ENOX1: variants seen among roughly 807,000 people sequenced by gnomAD.
ENOX1 encodes candidate growth-related and time keeping constitutive hydroquinone (NADH) oxidase.
A neutral mutation model predicts 82.5 loss-of-function variants in ENOX1; 42 were observed. The observed-to-expected ratio is 0.51, with a 90% CI of 0.40 to 0.66. The LOEUF is 0.66. Ranked by LOEUF, ENOX1 falls within the 30% of genes least tolerant of loss-of-function variation. The pLI is 0.00. For synonymous variants in ENOX1, 271 were observed against 282.2 expected, an observed-to-expected ratio of 0.96 and a Z score of 0.40; for missense variants, 608 against 811.6, an observed-to-expected ratio of 0.75 and a Z score of 3.05.
chr13:43,768,644 T>C (rs1951420866), intron 1 of ENOX1, among the ~76,000 whole-genome samples: 1 of 152,156 alleles, frequency 6.6e-6, no homozygotes, highest in Admixed American at 6.5e-5. Flanking sequence ...AAATATTTAA[T>C]TTGACAATAA....
Position 43,419,731 on chromosome 13 carries a change from G to A in ENOX1, c.-74-6743C>T, listed in dbSNP as rs542824182. On this transcript the variant is annotated intron_variant, in intron 3 of 16. Coordinates refer to ENST00000690772, the MANE Select transcript of ENOX1 (RefSeq NM_001347969.2). ...TCATGCCTGTAATGCCAGCACTTTGGGAGGCCGAGGTGGGTGGATCACTTG... is the reference window on the plus strand; with the variant it reads ...TCATGCCTGTAATGCCAGCACTTTGAGAGGCCGAGGTGGGTGGATCACTTG... 1.2e-4 allele frequency among the ~76,000 whole-genome samples: 18 copies of A among 152,280 alleles called. 1 individual carries two copies. Among genetic ancestry groups the A allele is most frequent in the African/African-American group, 4.3e-4 (18 of 41,550 alleles).
intron 2 of ENOX1, chr13:43,543,867 T>G (rs956893335): frequency 6.6e-6 from 1 of 150,556 alleles, no homozygotes; most frequent in Non-Finnish European, 1.5e-5. Context: ...GATGTGGCTT[T>G]ATTTAAAAAT....
intron 2 of ENOX1, among the ~76,000 whole-genome samples, chr13:43,582,506 G>T (rs2080790197): frequency 6.6e-6 from 1 of 152,082 alleles, no homozygotes; most frequent in South Asian, 2.1e-4. Flanking sequence ...TAATGAAGGA[G>T]GCTAAAACAA....
chr13:43,603,705 A>G lies in ENOX1; in HGVS notation c.-219+63774T>C, dbSNP rs1306014807. On this transcript the variant is annotated intron_variant, in intron 2 of 16. Transcript: ENST00000690772. ...TTCCAATTTCATCCATGTCCCTACA[A>G]AGGACATGAACTCATCATTTTTTAT... 8.6e-5 allele frequency among the ~76,000 whole-genome samples: 11 copies of G among 128,112 alleles called. 1 individual carries two copies. In the South Asian group the frequency reaches 2.9e-3, roughly 34 times the overall value. The allele number at this position is 128,112 out of a possible 152,430, so 84.0% of individuals were successfully genotyped here.
At chr13:43,585,922 AT>A (rs1269746631) in intron 2 of ENOX1, among the ~76,000 whole-genome samples, 2 of 152,184 alleles carry the variant, frequency 1.3e-5, no homozygotes, top group African/African-American at 2.4e-5. Flanking sequence ...AATTGTTTAT[AT>A]TTATGGGTTA....
intron 1 of ENOX1, among the ~76,000 whole-genome samples, chr13:43,686,154 G>C (rs974636458): frequency 2.0e-5 from 3 of 152,210 alleles, no homozygotes. Context: ...TAGCTCTCGG[G>C]ATATACCAGG....
At chr13:43,428,115 T>C (rs6561124) in intron 3 of ENOX1, among the ~76,000 whole-genome samples, 124,123 of 152,102 alleles carry the variant, frequency 0.82, 51,204 homozygotes, top group Non-Finnish European at 0.88. Flanking sequence ...CTTCTCAAAC[T>C]CTCGACTTCA....
At chr13:43,745,100 C>A (rs1008628210) in intron 1 of ENOX1, among the ~76,000 whole-genome samples, 2 of 152,048 alleles carry the variant, frequency 1.3e-5, no homozygotes, top group African/African-American at 2.4e-5. Flanking sequence ...CAGTCTCTGG[C>A]CAGAAGGCTT....
chr13:43,479,794 T>C (rs2058437468), intron 3 of ENOX1, among the ~76,000 whole-genome samples: 1 of 152,212 alleles, frequency 6.6e-6, no homozygotes, highest in Non-Finnish European at 1.5e-5. Flanking sequence ...GTTTCTGTAG[T>C]CTGGGCAGTT....
intron 3 of ENOX1, among the ~76,000 whole-genome samples, chr13:43,473,175 T>C (rs117266580): frequency 2.5e-4 from 38 of 152,348 alleles, no homozygotes; most frequent in Non-Finnish European, 5.1e-4. Flanking sequence ...AACTGAGCTG[T>C]AGAATGTTGA....
At chr13:43,429,695 G>A (rs1329959043) in intron 3 of ENOX1, among the ~76,000 whole-genome samples, 1 of 152,122 alleles carries the variant, frequency 6.6e-6, no homozygotes, top group Non-Finnish European at 1.5e-5. Context: ...ATGTTAGGAA[G>A]GGCAGCAAGG....
At chr13:43,521,462 C>T (rs1202888293) in intron 2 of ENOX1, among the ~76,000 whole-genome samples, 1 of 152,040 alleles carries the variant, frequency 6.6e-6, no homozygotes, top group Non-Finnish European at 1.5e-5. Context: ...TATTCCCGCT[C>T]TCATCAAGGG....
At chr13:43,633,741 G>C (rs1461144263) in intron 2 of ENOX1, among the ~76,000 whole-genome samples, 1 of 151,372 alleles carries the variant, frequency 6.6e-6, no homozygotes, top group African/African-American at 2.4e-5. Context: ...GTGTATATAT[G>C]TATACATATA....
chr13:43,695,930 C>T (rs1488633639), intron 1 of ENOX1, among the ~76,000 whole-genome samples: 1 of 152,054 alleles, frequency 6.6e-6, no homozygotes, highest in Non-Finnish European at 1.5e-5. Context: ...ACCCCATATC[C>T]ATCAGTAGTC....
intron 2 of ENOX1, among the ~76,000 whole-genome samples, chr13:43,633,184 C>A (rs571831338): frequency 1.3e-5 from 2 of 152,116 alleles, no homozygotes; most frequent in East Asian, 1.9e-4. Context: ...TCACTACTAA[C>A]CATGGAATTA....
chr13:43,334,258 C>T (rs1025976835), intron 9 of ENOX1, among the ~76,000 whole-genome samples: 2 of 152,164 alleles, frequency 1.3e-5, no homozygotes, highest in Non-Finnish European at 2.9e-5. Flanking sequence ...CTGAGGTTCA[C>T]TGAGACGAAT....
At chr13:43,400,121 C>A (rs1205964476) in intron 5 of ENOX1, among the ~76,000 whole-genome samples, 1 of 152,134 alleles carries the variant, frequency 6.6e-6, no homozygotes, top group African/African-American at 2.4e-5. Flanking sequence ...CTTCTCTGTG[C>A]CTGCCTACTG....
intron 1 of ENOX1, among the ~76,000 whole-genome samples, chr13:43,683,286 T>C (rs894933675): frequency 9.9e-5 from 15 of 151,972 alleles, no homozygotes; most frequent in African/African-American, 3.4e-4. Context: ...CGATATCCCA[T>C]GACAAGAGAG....
At chr13:43,233,220 T>A (rs1441845431) in intron 15 of ENOX1, among the ~76,000 whole-genome samples, 2 of 152,204 alleles carry the variant, frequency 1.3e-5, no homozygotes. Context: ...GGTCCAATTA[T>A]ATGTCAACCT....
Sources: allele counts gnomAD v4.1 joint callset (sites outside exome capture counted in the v4.1 genomes callset), GRCh38; gene constraint gnomAD v4.1.1; transcripts MANE v1.5; gene names NCBI Gene and HGNC (gene_info 2026-07-23, HGNC 2026-07-21).